Variants in VRK2 observed in about 807,000 individuals in gnomAD.
VRK2 encodes the protein VRK serine/threonine kinase 2.
VRK2 carries 60 observed loss-of-function variants against 57.6 expected under a neutral mutation model. The ratio of observed to expected loss-of-function variants is 1.04; its 90% CI spans 0.85 to 1.29. The LOEUF is 1.29. Among genes scored for constraint, VRK2 ranks in the 50% most tolerant of loss-of-function variants. The pLI is 0.00. For missense variants in VRK2, 705 were observed against 588.1 expected (o/e 1.20, Z -2.06); for synonymous variants, 231 against 199.2 (o/e 1.16, Z -1.35).
chr2:58,084,208 T>A (rs1278471398), intron 3 of VRK2, 70 bp downstream of exon 3: 6 of 1,490,628 alleles, frequency 4.0e-6, no homozygotes, highest in Non-Finnish European at 5.5e-6. Flanking sequence ...AAGAATGTTT[T>A]TCACGTTAAT....
At chr2:58,158,581 C>CTAAG (rs1308838368) in intron 12 of VRK2, among the ~76,000 whole-genome samples, 1 of 152,034 alleles carries the variant, frequency 6.6e-6, no homozygotes, top group African/African-American at 2.4e-5. Context: ...TTCTTCTCTT[C>CTAAG]TAAGTTAGTT....
intron 1 of VRK2, among the ~76,000 whole-genome samples, chr2:57,993,531 T>C (rs1672835611): frequency 6.6e-6 from 1 of 152,176 alleles, no homozygotes; most frequent in Non-Finnish European, 1.5e-5. Context: ...AAAAACTTCA[T>C]TTAAATCGCA....
chr2:57,910,137 G>A (rs1052553514), intron 1 of VRK2, among the ~76,000 whole-genome samples: 3 of 151,768 alleles, frequency 2.0e-5, no homozygotes, highest in Admixed American at 6.6e-5. Flanking sequence ...CATTCCCATG[G>A]GGGCCCCATC....
At chr2:57,931,519 C>T (rs191187817) in intron 1 of VRK2, among the ~76,000 whole-genome samples, 24 of 152,188 alleles carry the variant, frequency 1.6e-4, no homozygotes, top group Middle Eastern at 3.4e-3. Flanking sequence ...TGAATATTAA[C>T]CCCATATCAG....
intron 1 of VRK2, among the ~76,000 whole-genome samples, chr2:57,999,004 T>C (rs1673007285): frequency 6.6e-6 from 1 of 152,110 alleles, no homozygotes; most frequent in African/African-American, 2.4e-5. Flanking sequence ...GAATTGTGTG[T>C]ATATTAATAA....
At chr2:57,965,331 A>C (rs1345673005) in intron 1 of VRK2, among the ~76,000 whole-genome samples, 1 of 152,258 alleles carries the variant, frequency 6.6e-6, no homozygotes, top group Non-Finnish European at 1.5e-5. Context: ...TTATAATAAC[A>C]CATTCAAGAA....
chr2:58,134,617 C>CAAAAA (rs70954875), intron 9 of VRK2, among the ~76,000 whole-genome samples: 2 of 73,078 alleles, frequency 2.7e-5, no homozygotes, highest in African/African-American at 4.4e-5. Context: ...GACTCCGTCT[C>CAAAAA]AAAAAAAAAA....
chr2:57,916,517 A>G (rs780334614), intron 1 of VRK2, among the ~76,000 whole-genome samples: 1 of 151,990 alleles, frequency 6.6e-6, no homozygotes, highest in Non-Finnish European at 1.5e-5. Context: ...AATATTCACT[A>G]TATCGACCCA....
chr2:58,014,528 C>T (rs1404484184), intron 1 of VRK2, among the ~76,000 whole-genome samples: 1 of 152,212 alleles, frequency 6.6e-6, no homozygotes, highest in Non-Finnish European at 1.5e-5. Context: ...TTGCATTCTG[C>T]TTCAACAACT....
At chr2:57,959,578 G>C (rs1671692164) in intron 1 of VRK2, among the ~76,000 whole-genome samples, 1 of 152,156 alleles carries the variant, frequency 6.6e-6, no homozygotes. Context: ...TCACAGGTCA[G>C]GCATCGGATC....
chr2:57,958,940 A>G (rs1047591129), intron 1 of VRK2, among the ~76,000 whole-genome samples: 1 of 152,200 alleles, frequency 6.6e-6, no homozygotes, highest in African/African-American at 2.4e-5. Flanking sequence ...GACAGTCTGT[A>G]AAGTTTAGCT....
chr2:58,092,328 AT>A (rs1173064750), intron 7 of VRK2, among the ~76,000 whole-genome samples: 2 of 152,004 alleles, frequency 1.3e-5, no homozygotes, highest in Non-Finnish European at 2.9e-5. Context: ...TGCTTTTGAG[AT>A]TTATCTTTGT....
At chr2:58,153,542 C>CT (rs1240548320) in intron 12 of VRK2, among the ~76,000 whole-genome samples, 3 of 152,028 alleles carry the variant, frequency 2.0e-5, no homozygotes, top group African/African-American at 7.2e-5. Context: ...TTAAATTAGT[C>CT]TTCCATTCCT....
chr2:57,943,895 T>A lies in VRK2; in HGVS notation c.-439+36056T>A, dbSNP rs117781343. 7.1e-4 allele frequency among the ~76,000 whole-genome samples: 108 copies of A among 152,324 alleles called. 3 individuals are homozygous for A. In the East Asian group the frequency reaches 0.019, roughly 27 times the overall value. ...TTTATGCTTGGCAGGCCATATGGTG[T>A]CTGTTGCAACAATTCAATTCTGCCA... On this transcript the variant is annotated intron_variant, in intron 1 of 15. Coordinates refer to the VRK2 transcript ENST00000417641.
At chr2:58,141,494 A>T (rs1681327962) in intron 11 of VRK2, among the ~76,000 whole-genome samples, 3 of 151,938 alleles carry the variant, frequency 2.0e-5, no homozygotes, top group Admixed American at 2.0e-4. Flanking sequence ...GATTATGAGT[A>T]AAAAAAGCAC....
intron 12 of VRK2, 114 bp downstream of exon 12, chr2:58,146,588 A>AAATGAGAAG: frequency 3.2e-6 from 4 of 1,238,170 alleles, no homozygotes; most frequent in Non-Finnish European, 4.4e-6. Flanking sequence ...TGGTTTTGTT[A>AAATGAGAAG]AATGAGAAGG....
At chr2:57,958,510 A>G (rs1454107860) in intron 1 of VRK2, among the ~76,000 whole-genome samples, 2 of 151,782 alleles carry the variant, frequency 1.3e-5, no homozygotes, top group East Asian at 1.9e-4. Flanking sequence ...TATGCTATAT[A>G]TCACATATAT....
At chr2:57,980,492 G>GA (rs952085108) in intron 1 of VRK2, among the ~76,000 whole-genome samples, 6 of 152,118 alleles carry the variant, frequency 3.9e-5, no homozygotes, top group Non-Finnish European at 8.8e-5. Context: ...GTGTGCAGAT[G>GA]AAAAAATATA....
chr2:58,159,698 G>A lies in VRK2; in HGVS notation c.*5G>A, dbSNP rs1360165786. On this transcript the variant is annotated 3_prime_UTR_variant, in exon 13 of 13. Transcript: ENST00000340157. ...CTTGCTTTATTTTTTCTCTGAAGATGATACCAAAATTCCTTTTGATAATTT... is the reference window on the plus strand; with the variant it reads ...CTTGCTTTATTTTTTCTCTGAAGATAATACCAAAATTCCTTTTGATAATTT... 6.2e-7 allele frequency: 1 copy of A among 1,612,148 alleles called. No homozygotes were observed. Among genetic ancestry groups the A allele is most frequent in the Non-Finnish European group, 8.5e-7 (1 of 1,179,378 alleles).
Sources: allele counts gnomAD v4.1 joint callset (sites outside exome capture counted in the v4.1 genomes callset), GRCh38; gene constraint gnomAD v4.1.1; transcripts MANE v1.5; gene names NCBI Gene and HGNC (gene_info 2026-07-23, HGNC 2026-07-21).